Variants in PKHD1L1 observed in about 807,000 individuals in gnomAD.
The protein encoded by PKHD1L1 is PKHD1 like 1.
In PKHD1L1, 434 loss-of-function variants were observed where a neutral mutation model predicts 462.9. The observed-to-expected ratio is 0.94, with a 90% confidence interval of 0.87 to 1.02. PKHD1L1 has a LOEUF of 1.02. Ranked by LOEUF, PKHD1L1 falls within the 50% of genes least tolerant of loss-of-function variation. The pLI is 0.00. For missense variants in PKHD1L1, 5,202 were observed against 5,096.1 expected (o/e 1.02, Z -0.63); for synonymous variants, 1,781 against 1,750.0 (o/e 1.02, Z -0.44).
chr8:109,442,537 C>A lies in PKHD1L1; in HGVS notation c.4393+342C>A, dbSNP rs994485914. ...GCGATGAACTTTGACTGACTGAAAT[C>A]AATTTAAAATCAGTGTTTCCTACAG... On this transcript the variant is annotated intron_variant, in intron 35 of 77. Transcript: ENST00000378402. Among the ~76,000 whole-genome samples, 11 of 152,226 alleles carry A rather than the reference C, an allele frequency of 7.2e-5. No homozygotes were observed. The East Asian group carries it at 2.1e-3, about 29-fold the overall frequency.
chr8:109,478,056 C>A (rs1233054486), intron 53 of PKHD1L1, among the ~76,000 whole-genome samples: 3 of 152,008 alleles, frequency 2.0e-5, no homozygotes, highest in Non-Finnish European at 4.4e-5. Flanking sequence ...ATATTTGCAT[C>A]CCTTATGGAC....
chr8:109,508,350 C>T lies in PKHD1L1; in HGVS notation c.11395+86C>T, dbSNP rs987619443. On this transcript the variant is annotated intron_variant, in intron 70 of 77. Coordinates refer to ENST00000378402, the MANE Select transcript of PKHD1L1 (RefSeq NM_177531.6). ...GAAGCCATCTCATAAATTATTTACC[C>T]CACACAACTAGCAAACATCAGGCCT... 5.8e-5 allele frequency: 78 copies of T among 1,350,432 alleles called. 1 individual carries two copies. In the East Asian group the frequency reaches 1.8e-3, roughly 31 times the overall value. 83.7% of individuals were successfully genotyped at this position (1,350,432 alleles called of 1,614,324 possible).
intron 53 of PKHD1L1, among the ~76,000 whole-genome samples, chr8:109,477,993 C>A (rs1259078283): frequency 6.6e-6 from 1 of 152,112 alleles, no homozygotes; most frequent in African/African-American, 2.4e-5. Flanking sequence ...ATGGTACTAG[C>A]ACATTCAGTA....
At position 109,448,318 on chromosome 8, in the gene PKHD1L1, GA is replaced by G; in HGVS notation, c.5953del (p.Thr1985GlnfsTer33). ...CATTTCCTGTTATGATGCATCATAA[GA>G]CAAAAGGCTCAGCCATGTCCACAGT... ...GTFPVMMHHK[T>X]KGSAMSTVVF... On this transcript the variant is annotated frameshift_variant, in exon 39 of 78. Transcript: ENST00000378402. LOFTEE classifies it high-confidence loss of function. 3 of 1,613,448 alleles carry G rather than the reference GA, an allele frequency of 1.9e-6. No homozygotes were observed. The highest frequency in any genetic ancestry group is 1.6e-4 in the Middle Eastern group (1 of 6,084).
In PKHD1L1 at chr8:109,461,796, T is replaced by C; in HGVS notation, c.7271T>C (p.Leu2424Pro). The change falls in exon 48 of 78, where the codon CTC (leucine) becomes CCC (proline). Residue 2424 changes from leucine to proline, a missense_variant. By Grantham distance (98) the Leu-to-Pro change is moderately conservative (BLOSUM62 -3). This residue lies in a region of PKHD1L1 where 4,497 missense variants were observed against 4,336.8 expected (regional missense o/e 1.04). Coordinates refer to ENST00000378402, the MANE Select transcript of PKHD1L1 (RefSeq NM_177531.6). ...DTGEFATQTCLQGKFGEEIGS... is the reference protein window; with the variant it reads ...DTGEFATQTCPQGKFGEEIGS... ...GGAGAATTTGCTACACAGACCTGTC[T>C]CCAAGGAAAGTTTGGAGAAGAAATA... The C allele has an allele frequency of 6.2e-7, 1 of 1,609,706 alleles. No homozygotes were observed. Among genetic ancestry groups the C allele is most frequent in the Non-Finnish European group, 8.5e-7 (1 of 1,177,874 alleles).
intron 2 of PKHD1L1, among the ~76,000 whole-genome samples, chr8:109,369,985 T>G (rs899801840): frequency 1.3e-5 from 2 of 152,180 alleles, no homozygotes; most frequent in African/African-American, 4.8e-5. Context: ...TCTCTACCCT[T>G]TATTGAGTTT....
intron 9 of PKHD1L1, among the ~76,000 whole-genome samples, chr8:109,391,675 C>A (rs547645004): frequency 6.6e-6 from 1 of 152,026 alleles, no homozygotes. Flanking sequence ...AGGAAAGATC[C>A]GGTAATTTCT....
intron 23 of PKHD1L1, 105 bp from the exon 24 acceptor site, chr8:109,424,980 G>A: frequency 1.1e-6 from 1 of 943,582 alleles, no homozygotes; most frequent in Non-Finnish European, 1.5e-6. Flanking sequence ...CTGAATACAT[G>A]AGGCTCATTT....
intron 32 of PKHD1L1, 109 bp from the exon 33 acceptor site, chr8:109,440,601 T>G (rs1356063123): frequency 3.1e-6 from 3 of 956,706 alleles, no homozygotes; most frequent in African/African-American, 1.6e-5. Context: ...TAATGTACAG[T>G]TAAATATCCA....
At chr8:109,436,210 A>G (rs1815398100) in intron 29 of PKHD1L1, 128 bp from the exon 30 acceptor site, 2 of 944,292 alleles carry the variant, frequency 2.1e-6, no homozygotes, top group South Asian at 1.7e-5. Context: ...TCCTTGATCT[A>G]TTGGCCAGTA....
intron 34 of PKHD1L1, 120 bp from the exon 35 acceptor site, chr8:109,441,887 A>C: frequency 1.4e-6 from 1 of 693,314 alleles, no homozygotes. Context: ...TAAGTAATTA[A>C]GTTTTAGTGT....
intron 48 of PKHD1L1, among the ~76,000 whole-genome samples, chr8:109,463,656 A>G (rs1817259760): frequency 6.6e-6 from 1 of 152,184 alleles, no homozygotes; most frequent in Non-Finnish European, 1.5e-5. Context: ...CAGGGTGATT[A>G]AGAGCACCAG....
At chr8:109,510,607 G>C (rs1819920532) in intron 70 of PKHD1L1, among the ~76,000 whole-genome samples, 170 bp from the exon 71 acceptor site, 1 of 152,136 alleles carries the variant, frequency 6.6e-6, no homozygotes, top group African/African-American at 2.4e-5. Context: ...GCCAAGGTTT[G>C]AGAAATAGCT....
intron 25 of PKHD1L1, among the ~76,000 whole-genome samples, chr8:109,428,759 T>C (rs1299534131): frequency 6.6e-6 from 1 of 152,202 alleles, no homozygotes; most frequent in African/African-American, 2.4e-5. Flanking sequence ...GACTCCTATC[T>C]CTTTGCTAGT....
intron 20 of PKHD1L1, among the ~76,000 whole-genome samples, chr8:109,412,777 C>T (rs1487672228): frequency 2.0e-5 from 3 of 152,024 alleles, no homozygotes; most frequent in South Asian, 2.1e-4. Context: ...ATAGGATGAT[C>T]TTGGATATCC....
At chr8:109,460,241 A>G (rs868715046) in intron 47 of PKHD1L1, among the ~76,000 whole-genome samples, 40 of 152,294 alleles carry the variant, frequency 2.6e-4, no homozygotes, top group African/African-American at 9.6e-4. Flanking sequence ...CTCAGAAAAT[A>G]TGGCAAACTA....
At chr8:109,383,165 AAT>A (rs1812230619) in intron 4 of PKHD1L1, among the ~76,000 whole-genome samples, 2 of 107,056 alleles carry the variant, frequency 1.9e-5, no homozygotes, top group African/African-American at 7.6e-5. Flanking sequence ...ATTTATATAT[AAT>A]ATATACAATA....
rs1436599106 is a variant in PKHD1L1, at chr8:109,451,074, T to C, written c.6275T>C (p.Leu2092Pro). ...ACGTACGCAGTGTCACTGACTCCAC[T>C]CATCACTGCAGTATCTCCTAAGAGA... ...PFTYAVSLTP[L>P]ITAVSPKRGS... Residue 2092 changes from leucine to proline, a missense_variant, in exon 41 of 78, where the codon CTC becomes CCC. Around this residue, in one of 3 missense-constraint regions of PKHD1L1, gnomAD observed 4,497 missense variants for 4,336.8 expected, o/e 1.04. Transcript: ENST00000378402. 6.2e-7 allele frequency: 1 copy of C among 1,613,616 alleles called. No homozygotes were observed. Among genetic ancestry groups the C allele is most frequent in the Non-Finnish European group, 8.5e-7 (1 of 1,179,760 alleles).
Position 109,442,956 on chromosome 8 carries a change from T to A in PKHD1L1, c.4404T>A (p.Ser1468=), listed in dbSNP as rs1203966101. 1.2e-6 allele frequency: 2 copies of A among 1,613,128 alleles called. No individual in the cohort carries two copies. The highest frequency in any genetic ancestry group is 3.3e-5 in the Admixed American group (2 of 59,998). Residue 1468 remains serine (S), a synonymous_variant, in exon 36 of 78, where the codon TCT becomes TCA. Coordinates refer to ENST00000378402, the MANE Select transcript of PKHD1L1 (RefSeq NM_177531.6). The part of the protein sequence containing the change: ...GRQKSTSGSF[S]YQFTSPGIHY... ...CTCATTTTATGGCAGGTTCATTTTC[T>A]TACCAATTTACTTCTCCTGGAATCC...
Sources: allele counts gnomAD v4.1 joint callset (sites outside exome capture counted in the v4.1 genomes callset), GRCh38; gene constraint gnomAD v4.1.1; regional missense constraint gnomAD v4.1.1; transcripts MANE v1.5; gene names NCBI Gene and HGNC (gene_info 2026-07-23, HGNC 2026-07-21).